The following SEMA4D variants were observed in gnomAD, a reference collection of about 807,000 sequenced individuals.
The protein encoded by SEMA4D is semaphorin-4D.
In SEMA4D, 22 loss-of-function variants were observed where a neutral mutation model predicts 74.8. That is an observed-to-expected ratio of 0.29 (90% confidence interval 0.21 to 0.42). SEMA4D has a LOEUF of 0.42. Ranked by LOEUF, SEMA4D falls within the 10% of genes least tolerant of loss-of-function variation. The pLI, the probability that SEMA4D is intolerant of heterozygous loss-of-function variation, is 1.00. For missense variants in SEMA4D, 937 were observed against 1,118.4 expected (o/e 0.84, Z 2.31); for synonymous variants, 445 against 463.7 (o/e 0.96, Z 0.52).
rs770348746 is a variant in SEMA4D at position 89,492,810 on chromosome 9, C to T, written c.-310+5109G>A. Among the ~76,000 whole-genome samples, 1 of 152,190 alleles carries T rather than the reference C, an allele frequency of 6.6e-6. No homozygotes were observed. The highest frequency in any genetic ancestry group is 2.4e-5 in the African/African-American group (1 of 41,446). On this transcript the variant is annotated intron_variant, in intron 1 of 15. Coordinates refer to ENST00000422704, the MANE Select transcript of SEMA4D (RefSeq NM_001371194.2). The surrounding 1 kb of genome is among the most constrained non-coding windows in gnomAD (Gnocchi z 4.3). The stretch of plus-strand genomic sequence containing the variant: ...GCCCGAGCTCCTGCAAGGCCCGCCC[C>T]GCACCGCCCTCCTACCATTGCTCAT...
At chr9:89,479,629 T>C in intron 1 of SEMA4D, 1 of 161,026 alleles carries the variant, frequency 6.2e-6, no homozygotes, top group South Asian at 1.8e-4. Flanking sequence ...AGTTTCTTCC[T>C]TCTGGTGGGT....
At chr9:89,496,197 T>C (rs1438892467) in intron 1 of SEMA4D, among the ~76,000 whole-genome samples, 3 of 152,196 alleles carry the variant, frequency 2.0e-5, no homozygotes, top group Non-Finnish European at 4.4e-5. Flanking sequence ...CAGGGGGGTC[T>C]GTGCAAGGCT....
At chr9:89,411,647 T>C (rs1001709311) in intron 2 of SEMA4D, among the ~76,000 whole-genome samples, 2 of 152,212 alleles carry the variant, frequency 1.3e-5, no homozygotes, top group Non-Finnish European at 2.9e-5. Context: ...TCTCATAAAA[T>C]GAATTAACCT....
intron 15 of SEMA4D, 61 bp from the exon 16 acceptor site, chr9:89,379,690 C>A (rs773051933): frequency 6.6e-7 from 1 of 1,520,250 alleles, no homozygotes; most frequent in South Asian, 1.3e-5. Flanking sequence ...TTAACAACTT[C>A]TTTAAAATAC....
downstream of SEMA4D, among the ~76,000 whole-genome samples, chr9:89,373,113 T>TCCACCCCA (rs532793518): frequency 6.9e-3 from 1,044 of 152,112 alleles, 9 homozygotes; most frequent in African/African-American, 0.024. Context: ...AGGGTGGGCC[T>TCCACCCCA]CCACCCCACC....
intron 13 of SEMA4D, 58 bp downstream of exon 13, chr9:89,386,309 C>A (rs1269429162): frequency 4.4e-6 from 6 of 1,372,782 alleles, no homozygotes; most frequent in Non-Finnish European, 6.1e-6. Flanking sequence ...CTCCTGTCAC[C>A]TAGAATCAAA....
chr9:89,366,153 GA>G (rs1289812251), intron 16 of SEMA4D, among the ~76,000 whole-genome samples: 1 of 152,190 alleles, frequency 6.6e-6, no homozygotes, highest in Non-Finnish European at 1.5e-5. Context: ...CAGCAACACA[GA>G]AAAATAAGTG....
chr9:89,380,910 G>A, intron 15 of SEMA4D, 145 bp downstream of exon 15: 7 of 948,182 alleles, frequency 7.4e-6, no homozygotes, highest in East Asian at 2.6e-5. Context: ...AGAAGACCAC[G>A]AGTCTGCTAC....
At chr9:89,400,921 C>T (rs573232556) in intron 4 of SEMA4D, among the ~76,000 whole-genome samples, 6 of 152,336 alleles carry the variant, frequency 3.9e-5, no homozygotes, top group Non-Finnish European at 8.8e-5. Flanking sequence ...ACAATTCCCC[C>T]AAGACCGAGT....
At chr9:89,373,710 C>A (rs963973590), downstream of SEMA4D, among the ~76,000 whole-genome samples, 1 of 152,214 alleles carries the variant, frequency 6.6e-6, no homozygotes, top group African/African-American at 2.4e-5. Flanking sequence ...TCCAAAGCAG[C>A]CCTGCCCTGG....
At chr9:89,385,068 C>T (rs978812552) in intron 13 of SEMA4D, 216 of 983,398 alleles carry the variant, frequency 2.2e-4, no homozygotes, top group Non-Finnish European at 2.6e-4. Context: ...CTCCTGGGCG[C>T]GAGGCTCCCT....
chr9:89,391,154 TA>T (rs1839779908), intron 9 of SEMA4D, 109 bp downstream of exon 9: 1 of 1,097,076 alleles, frequency 9.1e-7, no homozygotes, highest in Admixed American at 2.0e-5. Context: ...CCCAAGGGAA[TA>T]AAGTGCTAGG....
chr9:89,477,330 A>G (rs1862021327), intron 1 of SEMA4D, among the ~76,000 whole-genome samples: 1 of 152,024 alleles, frequency 6.6e-6, no homozygotes, highest in African/African-American at 2.4e-5. Context: ...ACACACAAAC[A>G]CACACGGCCT....
intron 16 of SEMA4D, among the ~76,000 whole-genome samples, chr9:89,370,363 C>T (rs1564494119): frequency 7.1e-6 from 1 of 141,808 alleles, no homozygotes; most frequent in Non-Finnish European, 1.5e-5. Flanking sequence ...TGTGGTGTAT[C>T]TGTACGTATG....
intron 2 of SEMA4D, among the ~76,000 whole-genome samples, chr9:89,427,641 C>T (rs1470790075): frequency 1.3e-5 from 2 of 152,226 alleles, no homozygotes; most frequent in Non-Finnish European, 2.9e-5. Flanking sequence ...CGGTCAGCAG[C>T]ACCTGCAAGT....
chr9:89,497,111 C>G (rs1826079830), intron 1 of SEMA4D, among the ~76,000 whole-genome samples: 1 of 152,214 alleles, frequency 6.6e-6, no homozygotes, highest in Admixed American at 6.5e-5. Flanking sequence ...ACCCACTCTC[C>G]CACCTACCCC....
At chr9:89,490,223 A>G (rs1825521859) in intron 1 of SEMA4D, among the ~76,000 whole-genome samples, 1 of 152,224 alleles carries the variant, frequency 6.6e-6, no homozygotes, top group South Asian at 2.1e-4. Flanking sequence ...AGCTCCCAGC[A>G]CTTTGATTCA....
At chr9:89,391,707 T>A (rs1839916358) in intron 8 of SEMA4D, among the ~76,000 whole-genome samples, 1 of 152,086 alleles carries the variant, frequency 6.6e-6, no homozygotes, top group Admixed American at 6.5e-5. Context: ...AGGCTGGGCC[T>A]CCTGACTGGA....
intron 2 of SEMA4D, among the ~76,000 whole-genome samples, chr9:89,432,228 A>G (rs1255911100): frequency 6.6e-6 from 1 of 152,252 alleles, no homozygotes; most frequent in Non-Finnish European, 1.5e-5. Flanking sequence ...TGCTTGGCAC[A>G]ATAAATGTTA....
Sources: allele counts gnomAD v4.1 joint callset (sites outside exome capture counted in the v4.1 genomes callset), GRCh38; gene constraint gnomAD v4.1.1; non-coding constraint Gnocchi (gnomAD v3.1); transcripts MANE v1.5; gene names NCBI Gene and HGNC (gene_info 2026-07-23, HGNC 2026-07-21).